The following POLR3A variants were observed in gnomAD, a reference collection of about 807,000 sequenced individuals.
POLR3A encodes DNA-directed RNA polymerase III subunit RPC1.
A neutral mutation model predicts 152.8 loss-of-function variants in POLR3A; 112 were observed. The ratio of observed to expected loss-of-function variants is 0.73; its 90% CI spans 0.63 to 0.86. The LOEUF (loss-of-function observed/expected upper bound fraction) is 0.86. POLR3A is among the 40% of genes least tolerant of loss of function. The pLI is 0.00. For missense variants in POLR3A, 1,385 were observed against 1,743.1 expected (o/e 0.79, Z 3.66); for synonymous variants, 615 against 652.1 (o/e 0.94, Z 0.87).
intron 21 of POLR3A, among the ~76,000 whole-genome samples, chr10:77,987,049 G>C (rs575522681): frequency 7.6e-4 from 115 of 152,280 alleles, no homozygotes; most frequent in Non-Finnish European, 1.1e-3. Context: ...GCCAGGATCA[G>C]CCAGCACCTT....
intron 16 of POLR3A, among the ~76,000 whole-genome samples, chr10:78,003,324 T>C (rs1353762790): frequency 2.6e-5 from 4 of 152,308 alleles, no homozygotes; most frequent in Middle Eastern, 3.4e-3. Context: ...CTTTAGAAAA[T>C]GTATTTCATT....
At position 78,006,939 on chromosome 10, in the gene POLR3A, T is replaced by C. The variant is rs139378538; in HGVS notation, c.2074+763A>G. ...TTCAAGACCAACCTGGGCAACATGGTGAGACTTCATTTCTACAAAACTTAG... is the reference window on the plus strand; with the variant it reads ...TTCAAGACCAACCTGGGCAACATGGCGAGACTTCATTTCTACAAAACTTAG... On this transcript the variant is annotated intron_variant, in intron 15 of 30. Transcript: ENST00000372371. 1.2e-3 allele frequency among the ~76,000 whole-genome samples: 188 copies of C among 152,180 alleles called. 1 individual carries two copies. Among genetic ancestry groups the C allele is most frequent in the Middle Eastern group, 6.8e-3 (2 of 294 alleles).
At chr10:77,994,824 C>CAACT (rs1429877839) in intron 19 of POLR3A, among the ~76,000 whole-genome samples, 3 of 152,140 alleles carry the variant, frequency 2.0e-5, no homozygotes, top group Non-Finnish European at 4.4e-5. Flanking sequence ...CACAAAGATA[C>CAACT]TCCTCGAGAA....
At chr10:78,006,947 C>A (rs1370368729) in intron 15 of POLR3A, among the ~76,000 whole-genome samples, 1 of 152,022 alleles carries the variant, frequency 6.6e-6, no homozygotes, top group Non-Finnish European at 1.5e-5. Flanking sequence ...GGTGAGACTT[C>A]ATTTCTACAA....
Position 78,009,617 on chromosome 10 carries a change from T to G in POLR3A, c.1829A>C (p.Asp610Ala), listed in dbSNP as rs768210931. 1.9e-6 allele frequency: 3 copies of G among 1,614,174 alleles called. No individual in the cohort carries two copies. The highest frequency in any genetic ancestry group is 2.5e-6 in the Non-Finnish European group (3 of 1,180,038). ...IFSVILRPSD[D>A]NPVRANLRTK... ...TCGCAGGTTGGCCCTCACTGGATTG[T>G]CATCGCTAGGCCTGAGGATGACACT... The change falls in exon 14 of 31, where the codon GAC becomes GCC. Residue 610 changes from aspartate (D) to alanine (A), a missense_variant. Coordinates refer to ENST00000372371, the MANE Select transcript of POLR3A (RefSeq NM_007055.4).
In POLR3A at chr10:78,013,782, G is replaced by A. The variant is rs770163444; in HGVS notation, c.1440C>T (p.Val480=). Residue 480 remains valine, a synonymous_variant, in exon 11 of 31, where the codon GTC becomes GTT. Transcript: ENST00000372371. ...TAAATCTGAAGGTCCGGTGGGGCTT[G>A]ACCCTGGCCTGTGGAACACAAAACA... ...KLSIMAHLAR[V]KPHRTFRFNE... The A allele has an allele frequency of 2.5e-6, 4 of 1,614,172 alleles. No individual in the cohort carries two copies. The highest frequency in any genetic ancestry group is 3.4e-6 in the Non-Finnish European group (4 of 1,180,016).
chr10:78,001,155 T>A, intron 17 of POLR3A, 61 bp from the exon 18 acceptor site: 1 of 912,476 alleles, frequency 1.1e-6, no homozygotes, highest in Non-Finnish European at 1.8e-6. Context: ...TTGAAGTGCA[T>A]GCAGATTGGA....
At chr10:77,999,067 C>T (rs1040551636) in intron 19 of POLR3A, among the ~76,000 whole-genome samples, 8 of 152,056 alleles carry the variant, frequency 5.3e-5, no homozygotes. Context: ...AACCAAATGC[C>T]GCATGTTCTC....
rs184862832 is a variant in POLR3A at position 78,003,408 on chromosome 10, C to T, written c.2248-1100G>A. ...TCAAAGCTCAGTGCCACGGGTTTAT[C>T]GGTGAGGCAGAAGACGGCCAGGTGA... On this transcript the variant is annotated intron_variant, in intron 16 of 30. Coordinates refer to ENST00000372371, the MANE Select transcript of POLR3A (RefSeq NM_007055.4). 3.9e-3 allele frequency among the ~76,000 whole-genome samples: 597 copies of T among 152,300 alleles called. 3 individuals carry two copies. Among genetic ancestry groups the T allele is most frequent in the African/African-American group, 0.014 (574 of 41,566 alleles).
chr10:78,004,945 TA>T (rs1352677988), intron 15 of POLR3A, 57 bp from the exon 16 acceptor site: 1 of 1,343,132 alleles, frequency 7.4e-7, no homozygotes, highest in Non-Finnish European at 1.1e-6. Context: ...GCAAACCTAC[TA>T]AATACAGTTT....
chr10:77,993,374 GA>G lies in POLR3A; in HGVS notation c.2617-8del. ...GAGATTTGACAAGCCTTCGCTAAAGGAAAAGGAGGAAAAAGCTCAGCTGCTT... is the reference window on the plus strand; with the variant it reads ...GAGATTTGACAAGCCTTCGCTAAAGGAAAGGAGGAAAAAGCTCAGCTGCTT... On this transcript the variant is annotated splice_polypyrimidine_tract_variant and splice_region_variant and intron_variant, in intron 19 of 30. Transcript: ENST00000372371. 1.9e-6 allele frequency: 3 copies of G among 1,611,952 alleles called. No individual in the cohort carries two copies. The highest frequency in any genetic ancestry group is 2.5e-6 in the Non-Finnish European group (3 of 1,178,136).
At chr10:77,986,473 C>T (rs907420379) in intron 21 of POLR3A, among the ~76,000 whole-genome samples, 3 of 152,158 alleles carry the variant, frequency 2.0e-5, no homozygotes, top group South Asian at 2.1e-4. Flanking sequence ...TGCTCTCCCA[C>T]GTGCCACGAG....
At chr10:78,010,908 A>G (rs1188504009) in intron 11 of POLR3A, among the ~76,000 whole-genome samples, 1 of 152,198 alleles carries the variant, frequency 6.6e-6, no homozygotes, top group Non-Finnish European at 1.5e-5. Context: ...CAGTGGTGCA[A>G]ATATGGCTCA....
chr10:77,983,803 C>G, intron 26 of POLR3A, 117 bp downstream of exon 26: 1 of 733,968 alleles, frequency 1.4e-6, no homozygotes. Context: ...AACCAGAAAC[C>G]ACACAGAAGG....
intron 19 of POLR3A, among the ~76,000 whole-genome samples, chr10:77,997,981 C>A (rs955791808): frequency 6.6e-6 from 1 of 152,072 alleles, no homozygotes; most frequent in African/African-American, 2.4e-5. Flanking sequence ...CAGAACAGAG[C>A]CCTCAGAAAT....
intron 21 of POLR3A, among the ~76,000 whole-genome samples, chr10:77,988,817 T>C (rs1847221700): frequency 6.6e-6 from 1 of 152,176 alleles, no homozygotes; most frequent in African/African-American, 2.4e-5. Flanking sequence ...CCGAAAGCCC[T>C]CTTGGCCCAG....
chr10:77,992,263 T>TTTTTTTTTCATC (rs1491577396), intron 20 of POLR3A, among the ~76,000 whole-genome samples: 1 of 121,292 alleles, frequency 8.2e-6, no homozygotes, highest in African/African-American at 4.3e-5. Flanking sequence ...TGAAAACAAC[T>TTTTTTTTTCATC]TTTTTTTTCA....
intron 17 of POLR3A, 152 bp downstream of exon 17, chr10:78,002,045 A>C: frequency 1.7e-6 from 1 of 602,040 alleles, no homozygotes; most frequent in Non-Finnish European, 2.9e-6. Context: ...TAAACTTCCC[A>C]AAATGCAAAT....
intron 8 of POLR3A, among the ~76,000 whole-genome samples, chr10:78,020,480 A>G (rs2131957356): frequency 6.6e-6 from 1 of 151,292 alleles, no homozygotes; most frequent in Non-Finnish European, 1.5e-5. Flanking sequence ...ACAGGGCGAG[A>G]GTCTGTCTCT....
Sources: allele counts gnomAD v4.1 joint callset (sites outside exome capture counted in the v4.1 genomes callset), GRCh38; gene constraint gnomAD v4.1.1; transcripts MANE v1.5; gene names NCBI Gene and HGNC (gene_info 2026-07-23, HGNC 2026-07-21).